Variants in TGM2 observed in about 807,000 individuals in gnomAD.
TGM2 encodes transglutaminase 2.
A neutral mutation model predicts 75.6 loss-of-function variants in TGM2; 53 were observed. The observed-to-expected ratio is 0.70, with a 90% CI of 0.56 to 0.88. The LOEUF is 0.88. Ranked by LOEUF, TGM2 falls within the 40% of genes least tolerant of loss-of-function variation. The pLI, the probability that TGM2 is intolerant of heterozygous loss-of-function variation, is 0.00. For synonymous variants in TGM2, 374 were observed against 381.1 expected (o/e 0.98, Z 0.22); for missense variants, 842 against 928.5 (o/e 0.91, Z 1.21).
chr20:38,156,103 A>G lies in TGM2; in HGVS notation c.191-14T>C, dbSNP rs1322664885. The G allele has an allele frequency of 1.2e-6, 2 of 1,610,164 alleles. No individual in the cohort carries two copies. Among genetic ancestry groups the G allele is most frequent in the Non-Finnish European group, 1.7e-6 (2 of 1,179,258 alleles). On this transcript the variant is annotated splice_polypyrimidine_tract_variant and intron_variant, in intron 2 of 12. Transcript: ENST00000361475. ...TAGGGGCTGGGCCTGTGGAGGGAGA[A>G]GCAGTAGCCGTGAGCTAGGGGTAGC...
At chr20:38,153,042 G>A (rs1043750005) in intron 3 of TGM2, among the ~76,000 whole-genome samples, 1 of 136,248 alleles carries the variant, frequency 7.3e-6, no homozygotes, top group South Asian at 2.7e-4. Flanking sequence ...ATGGGGCGGG[G>A]GGGGGGATCC....
At chr20:38,156,979 G>A (rs1724063929) in intron 2 of TGM2, among the ~76,000 whole-genome samples, 2 of 152,206 alleles carry the variant, frequency 1.3e-5, no homozygotes, top group Non-Finnish European at 2.9e-5. Context: ...CAAAGCAGCT[G>A]CTTTTCCAGG....
At chr20:38,133,687 C>G (rs990621294) in intron 10 of TGM2, 1 of 152,280 alleles carries the variant, frequency 6.6e-6, no homozygotes, top group African/African-American at 2.4e-5. Flanking sequence ...CTTTGGGAGG[C>G]TGAGGCAGGA....
rs765560472 is a variant in TGM2 at position 38,131,158 on chromosome 20, G to A, written c.1848C>T (p.Ala616=). The A allele has an allele frequency of 1.2e-6, 2 of 1,613,822 alleles. No individual in the cohort carries two copies. The highest frequency in any genetic ancestry group is 2.2e-5 in the South Asian group (2 of 91,078). ...EVSLQNPLPV[A]LEGCTFTVEG... is the part of the protein sequence containing the mutation. Reference sequence around the variant, plus strand: ...CCACAGTGAAGGTGCAGCCTTCCAGGGCCACAGGGAGCGGGTTCTGCAGGG... The same window carrying A: ...CCACAGTGAAGGTGCAGCCTTCCAGAGCCACAGGGAGCGGGTTCTGCAGGG... The change falls in exon 12 of 13, where the codon GCC becomes GCT. Residue 616 remains alanine (A), a synonymous_variant. Transcript: ENST00000361475.
chr20:38,146,603 T>A (rs752432965), intron 6 of TGM2, 114 bp downstream of exon 6: 1 of 1,262,412 alleles, frequency 7.9e-7, no homozygotes, highest in Admixed American at 1.8e-5. Context: ...CATAGCGCAT[T>A]GAGAGTGTTG....
chr20:38,131,866 C>T (rs2074838213), intron 11 of TGM2, among the ~76,000 whole-genome samples: 1 of 152,038 alleles, frequency 6.6e-6, no homozygotes, highest in Non-Finnish European at 1.5e-5. Flanking sequence ...TGTGGATATG[C>T]TTTTAATTCT....
At chr20:38,155,406 A>G (rs1328499261) in intron 3 of TGM2, among the ~76,000 whole-genome samples, 1 of 152,060 alleles carries the variant, frequency 6.6e-6, no homozygotes, top group Non-Finnish European at 1.5e-5. Context: ...CAGTGGTATA[A>G]TCATAGCTCA....
intron 3 of TGM2, among the ~76,000 whole-genome samples, chr20:38,153,589 T>C (rs931643496): frequency 6.7e-6 from 1 of 149,104 alleles, no homozygotes; most frequent in African/African-American, 2.5e-5. Flanking sequence ...GGACAGAGCC[T>C]CACGGTGTAT....
intron 2 of TGM2, among the ~76,000 whole-genome samples, chr20:38,157,888 A>G (rs1250990334): frequency 1.3e-5 from 2 of 152,194 alleles, no homozygotes; most frequent in African/African-American, 2.4e-5. Context: ...AAAAGTCTGA[A>G]TTCTCAGGCC....
At chr20:38,158,189 A>T (rs2075210723) in intron 2 of TGM2, among the ~76,000 whole-genome samples, 1 of 152,192 alleles carries the variant, frequency 6.6e-6, no homozygotes, top group Non-Finnish European at 1.5e-5. Context: ...ACCCTTGGGG[A>T]CAAGTCAGGA....
chr20:38,140,253 A>T (rs1387073043), intron 8 of TGM2, among the ~76,000 whole-genome samples: 1 of 152,248 alleles, frequency 6.6e-6, no homozygotes, highest in Non-Finnish European at 1.5e-5. Flanking sequence ...AATGCTGAGG[A>T]CTAGAGGCTG....
chr20:38,153,020 C>T (rs2075132240), intron 3 of TGM2, among the ~76,000 whole-genome samples: 2 of 126,472 alleles, frequency 1.6e-5, no homozygotes. Flanking sequence ...GACTAAAATT[C>T]AAAACAAACC....
chr20:38,144,438 C>A (rs535171119), intron 6 of TGM2, among the ~76,000 whole-genome samples: 29 of 152,276 alleles, frequency 1.9e-4, no homozygotes, highest in African/African-American at 7.0e-4. Context: ...GTGCCCGTTA[C>A]GGCAAACGTC....
At position 38,130,244 on chromosome 20, in the gene TGM2, C is replaced by T. The variant is rs780161929; in HGVS notation, c.2039G>A (p.Arg680Gln). Reference protein sequence around the residue: ...SDKLKAVKGFRNVIIGPA With the variant: ...SDKLKAVKGFQNVIIGPA ...TTAGGCGGGGCCAATGATGACATTC[C>T]GGAAGCCCTTCACAGCCTTCAGCTT... Residue 680 changes from arginine (R) to glutamine (Q), a missense_variant, in exon 13 of 13, where the codon CGG becomes CAG. Coordinates refer to ENST00000361475, the MANE Select transcript of TGM2 (RefSeq NM_004613.4). 9 of 1,613,332 alleles carry T rather than the reference C, an allele frequency of 5.6e-6. No individual in the cohort carries two copies. The highest frequency in any genetic ancestry group is 5.0e-5 in the Admixed American group (3 of 59,972).
chr20:38,146,724 G>A lies in TGM2; in HGVS notation c.852C>T (p.Ala284=), dbSNP rs1259581329. 6.2e-7 allele frequency: 1 copy of A among 1,612,982 alleles called. No homozygotes were observed. ...TCCCAGCGTGCAGCTCACCTGTGCA[G>A]GCCACGGCGGCGAAGACCCAGCACT... ...YGQCWVFAAV[A]CTVLRCLGIP... is the part of the protein sequence containing the mutation. The change falls in exon 6 of 13, where the codon GCC becomes GCT. Residue 284 remains alanine (A), a synonymous_variant. Coordinates refer to ENST00000361475, the MANE Select transcript of TGM2 (RefSeq NM_004613.4).
intron 3 of TGM2, among the ~76,000 whole-genome samples, chr20:38,152,890 C>A (rs2075130369): frequency 6.6e-6 from 1 of 152,262 alleles, no homozygotes; most frequent in African/African-American, 2.4e-5. Flanking sequence ...GGCCATCCCC[C>A]AGAACCACGC....
At chr20:38,145,753 GCTCT>G (rs1173512455) in intron 6 of TGM2, 13 of 146,228 alleles carry the variant, frequency 8.9e-5, no homozygotes, top group Admixed American at 1.4e-4. Context: ...CAGAATTTGT[GCTCT>G]CTCTCTTTTT....
At chr20:38,141,973 A>T in intron 7 of TGM2, 91 bp downstream of exon 7, 1 of 1,532,338 alleles carries the variant, frequency 6.5e-7, no homozygotes, top group Non-Finnish European at 9.0e-7. Flanking sequence ...GGCCCAATTC[A>T]AATGTGACCT....
intron 9 of TGM2, among the ~76,000 whole-genome samples, 160 bp downstream of exon 9, chr20:38,139,252 T>C (rs1243539754): frequency 6.6e-6 from 1 of 152,222 alleles, no homozygotes; most frequent in Non-Finnish European, 1.5e-5. Flanking sequence ...TGTTTGCTCC[T>C]GTTTCTAAGG....
Sources: gnomAD v4.1 joint callset for allele counts (sites outside exome capture counted in the v4.1 genomes callset) on GRCh38, gnomAD v4.1.1 for gene constraint, MANE v1.5 for transcripts, NCBI Gene and HGNC (gene_info 2026-07-23, HGNC 2026-07-21) for gene names.